The following RCL1 variants were observed in gnomAD, a reference collection of about 807,000 sequenced individuals.
RCL1 encodes RNA 3'-terminal phosphate cyclase-like protein.
RCL1 carries 24 observed loss-of-function variants against 42.4 expected under a neutral mutation model. That is an observed-to-expected ratio of 0.57 (90% CI 0.41 to 0.80). The LOEUF (loss-of-function observed/expected upper bound fraction) is 0.80. RCL1 is among the 30% of genes least tolerant of loss of function. RCL1 has a pLI of 0.00. For missense variants in RCL1, 578 were observed against 467.9 expected (o/e 1.24, Z -2.17); for synonymous variants, 228 against 177.3 (o/e 1.29, Z -2.27).
intron 6 of RCL1, among the ~76,000 whole-genome samples, chr9:4,842,688 A>G (rs2129672876): frequency 6.6e-6 from 1 of 152,298 alleles, no homozygotes; most frequent in East Asian, 1.9e-4. Context: ...TCCTACAGAA[A>G]TGGTAGCTCC....
intron 3 of RCL1, among the ~76,000 whole-genome samples, chr9:4,831,366 C>G (rs1816939280): frequency 6.7e-6 from 1 of 149,720 alleles, no homozygotes. Flanking sequence ...GCATTGCATC[C>G]CCTACTTTTT....
At chr9:4,803,091 C>T (rs1843033363) in intron 1 of RCL1, among the ~76,000 whole-genome samples, 1 of 151,962 alleles carries the variant, frequency 6.6e-6, no homozygotes, top group Non-Finnish European at 1.5e-5. Context: ...AAGCAGTCCT[C>T]CTGTCTTGGC....
chr9:4,846,043 A>G (rs1194338776), intron 7 of RCL1, among the ~76,000 whole-genome samples: 1 of 152,164 alleles, frequency 6.6e-6, no homozygotes, highest in Non-Finnish European at 1.5e-5. Flanking sequence ...CAGTTTATTA[A>G]TCAGGGTGGT....
chr9:4,834,196 C>A lies in RCL1; in HGVS notation c.515C>A (p.Pro172His), dbSNP rs1486929445. ...GGAGGCGAAGTGGTTTTCTCATGTC[C>A]TGTGAGGAAGGTCTTGAAGCCCATT... The part of the protein sequence containing the change: ...GGGGEVVFSC[P>H]VRKVLKPIQL... Residue 172 changes from proline to histidine, a missense_variant, in exon 5 of 9, where the codon CCT becomes CAT. Transcript: ENST00000381750. The A allele has an allele frequency of 6.2e-7, 1 of 1,613,632 alleles. No individual in the cohort carries two copies. Among genetic ancestry groups the A allele is most frequent in the African/African-American group, 1.3e-5 (1 of 74,890 alleles).
chr9:4,847,761 C>T (rs868387226), intron 7 of RCL1, among the ~76,000 whole-genome samples: 2 of 152,240 alleles, frequency 1.3e-5, no homozygotes, highest in Admixed American at 1.3e-4. Flanking sequence ...GGCTACCCAC[C>T]TTCTCTGTGC....
Position 4,860,450 on chromosome 9 carries a change from C to A in RCL1, c.*175C>A. ...CATCCCTGTAGCATATGGTTTCCAG[C>A]TGTTTCTCCAGTGGCATTGCCATTG... is the stretch of plus-strand genomic sequence containing the variant. On this transcript the variant is annotated 3_prime_UTR_variant, in exon 9 of 9. Coordinates refer to ENST00000381750, the MANE Select transcript of RCL1 (RefSeq NM_005772.5). 2 of 715,092 alleles carry A rather than the reference C, an allele frequency of 2.8e-6. No individual in the cohort carries two copies. The highest frequency in any genetic ancestry group is 2.4e-5 in the South Asian group (1 of 41,548). 44.3% of individuals were successfully genotyped at this position (715,092 alleles called of 1,614,324 possible).
intron 3 of RCL1, among the ~76,000 whole-genome samples, chr9:4,830,911 C>G (rs748929611): frequency 6.6e-6 from 1 of 152,178 alleles, no homozygotes; most frequent in Non-Finnish European, 1.5e-5. Flanking sequence ...CCTTTTCTCT[C>G]TGACCGCAGA....
intron 1 of RCL1, among the ~76,000 whole-genome samples, chr9:4,813,064 T>C (rs1816236281): frequency 1.3e-5 from 2 of 152,202 alleles, no homozygotes; most frequent in Non-Finnish European, 1.5e-5. Flanking sequence ...TTTATTTCTG[T>C]GTCTTGCCTA....
intron 2 of RCL1, among the ~76,000 whole-genome samples, chr9:4,824,974 C>T (rs1269576488): frequency 2.0e-5 from 3 of 152,034 alleles, no homozygotes; most frequent in African/African-American, 7.2e-5. Context: ...TGCAGTGGTG[C>T]GATCTTGGCA....
intron 1 of RCL1, among the ~76,000 whole-genome samples, chr9:4,813,527 G>T (rs1816256430): frequency 6.6e-6 from 1 of 152,218 alleles, no homozygotes; most frequent in Non-Finnish European, 1.5e-5. Context: ...TCCTTAAAAA[G>T]TCAGGAAACA....
Position 4,827,045 on chromosome 9 carries a change from G to A in RCL1, c.384+12G>A, listed in dbSNP as rs757949656. 1 of 1,614,170 alleles carries A rather than the reference G, an allele frequency of 6.2e-7. No homozygotes were observed. Among genetic ancestry groups the A allele is most frequent in the Non-Finnish European group, 8.5e-7 (1 of 1,180,020 alleles). ...AGGTTGACCCTTCAGTGAGTATTGA[G>A]AACAAACCGTGGTGTGGTTTTTGTT... On this transcript the variant is annotated intron_variant, in intron 3 of 8. Coordinates refer to ENST00000381750, the MANE Select transcript of RCL1 (RefSeq NM_005772.5).
chr9:4,823,284 T>A (rs1482476097), intron 1 of RCL1, among the ~76,000 whole-genome samples: 1 of 8,306 alleles, frequency 1.2e-4, no homozygotes, highest in Non-Finnish European at 6.5e-4. Flanking sequence ...TGGAGCTATT[T>A]TTTTTTTTTT....
In RCL1 at chr9:4,834,227, C is replaced by G. The variant is rs374022520; in HGVS notation, c.546C>G (p.Leu182=). ...PVRKVLKPIQ[L]TDPGKIKRIR... is the part of the protein sequence containing the mutation. ...GGAAGGTCTTGAAGCCCATTCAACTCACAGATCCAGGAAAAATCAAACGTA... is the reference window on the plus strand; with the variant it reads ...GGAAGGTCTTGAAGCCCATTCAACTGACAGATCCAGGAAAAATCAAACGTA... Residue 182 remains leucine, a synonymous_variant, in exon 5 of 9, where the codon CTC becomes CTG. Transcript: ENST00000381750. 2.5e-6 allele frequency: 4 copies of G among 1,613,354 alleles called. No individual in the cohort carries two copies. The highest frequency in any genetic ancestry group is 3.4e-6 in the Non-Finnish European group (4 of 1,179,652).
chr9:4,827,021 G>C lies in RCL1; in HGVS notation c.372G>C (p.Gln124His), dbSNP rs1362796197. 5.6e-6 allele frequency: 9 copies of C among 1,614,014 alleles called. 1 individual carries two copies. The highest frequency in any genetic ancestry group is 7.6e-6 in the Non-Finnish European group (9 of 1,180,024). The change falls in exon 3 of 9, where the codon CAG becomes CAC. Residue 124 changes from glutamine (Q) to histidine (H), a missense_variant. Coordinates refer to ENST00000381750, the MANE Select transcript of RCL1 (RefSeq NM_005772.5). Reference sequence around the variant, plus strand: ...TTCTACGAGGAGTGACCAATGATCAGGTTGACCCTTCAGTGAGTATTGAGA... The same window carrying C: ...TTCTACGAGGAGTGACCAATGATCACGTTGACCCTTCAGTGAGTATTGAGA... ...KIVLRGVTND[Q>H]VDPSVDVLKA...
At chr9:4,796,846 G>T (rs550049427) in intron 1 of RCL1, among the ~76,000 whole-genome samples, 1 of 152,126 alleles carries the variant, frequency 6.6e-6, no homozygotes, top group Non-Finnish European at 1.5e-5. Context: ...ACAAGTACAG[G>T]TGCCTTTTTT....
intron 8 of RCL1, among the ~76,000 whole-genome samples, chr9:4,852,085 G>A (rs1035138328): frequency 1.3e-5 from 2 of 152,074 alleles, no homozygotes; most frequent in Non-Finnish European, 1.5e-5. Context: ...GTTTCACCAT[G>A]TTAGCCAGGA....
At position 4,823,506 on chromosome 9, in the gene RCL1, A is replaced by C. The variant is rs561142861; in HGVS notation, c.137-42A>C. 7.4e-6 allele frequency: 11 copies of C among 1,481,724 alleles called. No individual in the cohort carries two copies. In the East Asian group the frequency reaches 1.8e-4, roughly 25 times the overall value. 91.8% of individuals were successfully genotyped at this position (1,481,724 alleles called of 1,614,324 possible). On this transcript the variant is annotated intron_variant, in intron 1 of 8. Coordinates refer to ENST00000381750, the MANE Select transcript of RCL1 (RefSeq NM_005772.5). ...GGAAATGTTGACCTGACATGAGGACAGTCTGTCTTCTCTTTTCTTCACAGA... is the reference window on the plus strand; with the variant it reads ...GGAAATGTTGACCTGACATGAGGACCGTCTGTCTTCTCTTTTCTTCACAGA...
At chr9:4,851,072 C>T (rs1210774066) in intron 8 of RCL1, among the ~76,000 whole-genome samples, 2 of 152,074 alleles carry the variant, frequency 1.3e-5, no homozygotes, top group Non-Finnish European at 2.9e-5. Flanking sequence ...GCTCCAGGAC[C>T]TGTATGATGT....
At chr9:4,796,834 A>T (rs886747680) in intron 1 of RCL1, among the ~76,000 whole-genome samples, 2 of 152,220 alleles carry the variant, frequency 1.3e-5, no homozygotes, top group Non-Finnish European at 2.9e-5. Flanking sequence ...TGCAATAAAC[A>T]TACAAGTACA....
Sources: gnomAD v4.1 joint callset for allele counts (sites outside exome capture counted in the v4.1 genomes callset) on GRCh38, gnomAD v4.1.1 for gene constraint, MANE v1.5 for transcripts, NCBI Gene and HGNC (gene_info 2026-07-23, HGNC 2026-07-21) for gene names.